The following VPS8 variants were observed in gnomAD, a reference collection of about 807,000 sequenced individuals.
VPS8 encodes vacuolar protein sorting-associated protein 8 homolog.
In VPS8, 129 loss-of-function variants were observed where a neutral mutation model predicts 216.4. That is an observed-to-expected ratio of 0.60 (90% confidence interval 0.52 to 0.69). The LOEUF is 0.69. VPS8 is among the 30% of genes least tolerant of loss of function. The pLI, the probability that VPS8 is intolerant of heterozygous loss-of-function variation, is 0.00. For synonymous variants in VPS8, 571 were observed against 565.4 expected (o/e 1.01, Z -0.14); for missense variants, 1,531 against 1,683.5 (o/e 0.91, Z 1.59).
chr3:184,824,812 A>T (rs766539317), intron 2 of VPS8, 27 bp downstream of exon 2: 14 of 1,573,012 alleles, frequency 8.9e-6, no homozygotes, highest in Admixed American at 3.7e-5. Context: ...CTGTCAAGTG[A>T]TAATGTTTAA....
At chr3:184,891,131 G>A (rs1560546680) in intron 22 of VPS8, among the ~76,000 whole-genome samples, 2 of 151,742 alleles carry the variant, frequency 1.3e-5, no homozygotes, top group Admixed American at 6.6e-5. Flanking sequence ...TTAAAAAAAA[G>A]CAAAATGGGT....
intron 1 of VPS8, among the ~76,000 whole-genome samples, chr3:184,815,451 T>C (rs967306317): frequency 1.3e-5 from 2 of 152,154 alleles, no homozygotes; most frequent in Non-Finnish European, 2.9e-5. Context: ...GGACCATGGT[T>C]GTATATGTGG....
intron 45 of VPS8, among the ~76,000 whole-genome samples, chr3:185,005,899 T>G (rs1754184639): frequency 6.6e-6 from 1 of 152,178 alleles, no homozygotes; most frequent in Non-Finnish European, 1.5e-5. Flanking sequence ...TTCTTTCTCT[T>G]GTCTGATTGC....
intron 35 of VPS8, among the ~76,000 whole-genome samples, chr3:184,937,103 AG>A (rs1431854204): frequency 6.6e-6 from 1 of 152,224 alleles, no homozygotes; most frequent in African/African-American, 2.4e-5. Flanking sequence ...TGTGCTGTTT[AG>A]AATGTTTCTT....
At chr3:184,825,005 A>G (rs754266453) in intron 2 of VPS8, 41 of 507,266 alleles carry the variant, frequency 8.1e-5, no homozygotes, top group African/African-American at 6.4e-4. Context: ...TCCTGGGCTC[A>G]AGTGATCCTC....
chr3:184,881,046 A>G (rs1207162200), intron 21 of VPS8, among the ~76,000 whole-genome samples: 1 of 152,122 alleles, frequency 6.6e-6, no homozygotes. Flanking sequence ...GGGTTTTAAT[A>G]TATTCAAGGC....
At chr3:185,001,572 C>T (rs1333645251) in intron 45 of VPS8, among the ~76,000 whole-genome samples, 2 of 152,128 alleles carry the variant, frequency 1.3e-5, no homozygotes, top group African/African-American at 4.8e-5. Flanking sequence ...CCCATAAGCT[C>T]CTCAACCCCA....
intron 36 of VPS8, among the ~76,000 whole-genome samples, chr3:184,948,178 A>G (rs1560816230): frequency 6.6e-6 from 1 of 151,184 alleles, no homozygotes. Flanking sequence ...TGGCCTGATC[A>G]TTTGCATAAA....
At position 184,938,973 on chromosome 3, in the gene VPS8, T is replaced by G. The variant is rs528826597; in HGVS notation, c.2989-1224T>G. Among the ~76,000 whole-genome samples the G allele has an allele frequency of 7.0e-4, 102 of 145,038 alleles. 1 individual carries two copies. The highest frequency in any genetic ancestry group is 2.5e-3 in the African/African-American group (98 of 38,560). ...TGAACCCAGGAGGTTGAGGCCGCAG[T>G]GAGCTGTGATCATGTCAGTGCACTC... On this transcript the variant is annotated intron_variant, in intron 35 of 47. Transcript: ENST00000625842.
intron 1 of VPS8, chr3:184,815,817 T>TAAAAAAAAATAAAAAAAAA (rs1716194434): frequency 7.8e-6 from 1 of 128,580 alleles, no homozygotes. Context: ...TTCCTGCTCT[T>TAAAAAAAAATAAAAAAAAA]AAAAAAAAAA....
In VPS8 at chr3:184,966,711, A is replaced by G; in HGVS notation, c.3314A>G (p.Glu1105Gly). ...SKLQEVTHQGENTKEDPSLKD... is the reference protein window; with the variant it reads ...SKLQEVTHQGGNTKEDPSLKD... ...CTTCAAGAGGTAACACATCAAGGTG[A>G]AAGTAAGTTCTTGAAAATAATTACA... Residue 1105 changes from glutamate (E) to glycine (G), a missense_variant and splice_region_variant, in exon 39 of 48, where the codon GAA becomes GGA. Transcript: ENST00000625842. The G allele has an allele frequency of 6.3e-7, 1 of 1,585,420 alleles. No homozygotes were observed. Among genetic ancestry groups the G allele is most frequent in the Non-Finnish European group, 8.6e-7 (1 of 1,161,700 alleles).
At chr3:184,836,164 A>G in intron 5 of VPS8, 1 of 428,952 alleles carries the variant, frequency 2.3e-6, no homozygotes. Context: ...ATCCTGACCT[A>G]GCTCATATAT....
At chr3:184,953,898 T>C (rs1398789831) in intron 36 of VPS8, among the ~76,000 whole-genome samples, 5 of 152,090 alleles carry the variant, frequency 3.3e-5, no homozygotes, top group Non-Finnish European at 5.9e-5. Context: ...ATTAAGTTGG[T>C]TGGGGAGCTT....
intron 30 of VPS8, 96 bp from the exon 31 acceptor site, chr3:184,926,498 G>C: frequency 8.0e-7 from 1 of 1,247,662 alleles, no homozygotes. Context: ...GGGTGTGAAT[G>C]AGTTGGTTAT....
chr3:184,995,286 T>G (rs1471689399), intron 43 of VPS8, among the ~76,000 whole-genome samples: 1 of 152,204 alleles, frequency 6.6e-6, no homozygotes, highest in African/African-American at 2.4e-5. Context: ...CTGCTTTTTT[T>G]TAAGAATCCG....
Position 184,894,881 on chromosome 3 carries a change from G to A in VPS8, c.1960G>A (p.Ala654Thr). Residue 654 changes from alanine to threonine, a missense_variant, in exon 23 of 48, where the codon GCG becomes ACG. Transcript: ENST00000625842. ...TAAAAAATTAATGGAAAATGTGGAA[G>A]CGCTCATTGTACATATGGATATCAC... Reference protein sequence around the residue: ...QDKKLMENVEALIVHMDITSL... With the variant: ...QDKKLMENVETLIVHMDITSL... The A allele has an allele frequency of 6.2e-7, 1 of 1,609,088 alleles. No homozygotes were observed. Among genetic ancestry groups the A allele is most frequent in the Non-Finnish European group, 8.5e-7 (1 of 1,178,020 alleles).
chr3:184,895,737 G>A (rs534273726), intron 23 of VPS8, among the ~76,000 whole-genome samples: 14 of 140,212 alleles, frequency 1.0e-4, no homozygotes, highest in East Asian at 4.3e-4. Flanking sequence ...GGGTTGAAGC[G>A]ATTCTTGTGC....
At position 184,968,598 on chromosome 3, in the gene VPS8, A is replaced by G. The variant is rs575717377; in HGVS notation, c.3316+1885A>G. 2.8e-4 allele frequency among the ~76,000 whole-genome samples: 42 copies of G among 152,330 alleles called. No individual in the cohort carries two copies. In the South Asian group the frequency reaches 7.7e-3, roughly 28 times the overall value. On this transcript the variant is annotated intron_variant, in intron 39 of 47. Transcript: ENST00000625842. ...TATGTGTGTGAGGTAGTATCTAATT[A>G]TGGATTTGATTTGCATTTCTCTAAT...
At chr3:184,900,849 C>T (rs1376574455) in intron 24 of VPS8, 72 bp from the exon 25 acceptor site, 6 of 1,328,524 alleles carry the variant, frequency 4.5e-6, no homozygotes, top group African/African-American at 1.5e-5. Flanking sequence ...TGATGAATAG[C>T]ATAAGATTCT....
Sources: gnomAD v4.1 joint callset for allele counts (sites outside exome capture counted in the v4.1 genomes callset) on GRCh38, gnomAD v4.1.1 for gene constraint, MANE v1.5 for transcripts, NCBI Gene and HGNC (gene_info 2026-07-23, HGNC 2026-07-21) for gene names.